The following GDI2 variants were observed in gnomAD, a reference collection of about 807,000 sequenced individuals.
GDI2 encodes GDP dissociation inhibitor 2, also known as rab GDP dissociation inhibitor beta.
Under a neutral mutation model 54.2 loss-of-function variants are expected in GDI2, and 22 were observed. The observed-to-expected ratio is 0.41, with a 90% CI of 0.29 to 0.58. The LOEUF (loss-of-function observed/expected upper bound fraction) is 0.58, where lower values mean the gene tolerates loss of function less well. Among genes scored for constraint, GDI2 ranks in the 20% least tolerant of loss-of-function variants. The pLI is 0.35. For missense variants in GDI2, 422 were observed against 546.0 expected (o/e 0.77, Z 2.26); for synonymous variants, 177 against 182.1 (o/e 0.97, Z 0.23).
intron 6 of GDI2, among the ~76,000 whole-genome samples, chr10:5,782,297 T>A (rs933168140): frequency 6.6e-6 from 1 of 152,142 alleles, no homozygotes; most frequent in Non-Finnish European, 1.5e-5. Context: ...ACTTGGGCAA[T>A]TAAAATTAAA....
rs201044554 is a variant in GDI2, at chr10:5,801,682, C to CA, written c.46-978dup. Among the ~76,000 whole-genome samples, 789 of 147,150 alleles carry CA rather than the reference C, an allele frequency of 5.4e-3. 9 individuals carry two copies. The highest frequency in any genetic ancestry group is 0.018 in the African/African-American group (730 of 39,956). ...CAAGAGCTAAACTCCATCTCAAGAA[C>CA]AAAAAAAAGGATGTCCTTGATAAAA... On this transcript the variant is annotated intron_variant, in intron 1 of 10. Transcript: ENST00000380191.
At chr10:5,801,532 C>G (rs1047590891) in intron 1 of GDI2, among the ~76,000 whole-genome samples, 2 of 151,840 alleles carry the variant, frequency 1.3e-5, no homozygotes, top group African/African-American at 2.4e-5. Flanking sequence ...CAAAATTAGC[C>G]GGGCATGGTG....
intron 7 of GDI2, among the ~76,000 whole-genome samples, chr10:5,773,520 C>G (rs551492091): frequency 6.6e-6 from 1 of 152,182 alleles, no homozygotes; most frequent in South Asian, 2.1e-4. Flanking sequence ...AAACCCCACC[C>G]GTGTAGGTGG....
chr10:5,796,738 T>C, intron 3 of GDI2, 25 bp downstream of exon 3: 2 of 1,083,738 alleles, frequency 1.8e-6, no homozygotes, highest in Non-Finnish European at 2.9e-6. Context: ...AGTACTGTCA[T>C]AAATTTAAGT....
intron 7 of GDI2, among the ~76,000 whole-genome samples, chr10:5,773,292 G>A (rs564062293): frequency 1.3e-5 from 2 of 152,154 alleles, no homozygotes; most frequent in Admixed American, 6.5e-5. Context: ...AAGAACTGTT[G>A]CAGATAGTAA....
chr10:5,779,670 A>G (rs1840707020), intron 6 of GDI2, among the ~76,000 whole-genome samples: 2 of 148,760 alleles, frequency 1.3e-5, no homozygotes, highest in Admixed American at 1.3e-4. Context: ...AAGCACAGAG[A>G]GGGGGAAAAA....
Position 5,776,234 on chromosome 10 carries a change from A to G in GDI2, c.720-2293T>C. On this transcript the variant is annotated intron_variant, in intron 6 of 10. Transcript: ENST00000380191. The surrounding 1 kb of genome is among the most constrained non-coding windows in gnomAD (Gnocchi z 5.3). ...TTCACTGGAATTGCAAAGGAATAGG[A>G]AACAGCGCCTCCTCATCCAAGACAG... 4 of 454,310 alleles carry G rather than the reference A, an allele frequency of 8.8e-6. No individual in the cohort carries two copies. The highest frequency in any genetic ancestry group is 1.7e-5 in the Non-Finnish European group (4 of 237,712). 28.1% of individuals were successfully genotyped at this position (454,310 alleles called of 1,614,324 possible).
At chr10:5,811,619 A>G (rs1430342736) in intron 1 of GDI2, among the ~76,000 whole-genome samples, 1 of 151,058 alleles carries the variant, frequency 6.6e-6, no homozygotes, top group Non-Finnish European at 1.5e-5. Flanking sequence ...AATCCACCAC[A>G]AACTACTAAG....
At chr10:5,771,682 A>G (rs1165841293) in intron 7 of GDI2, among the ~76,000 whole-genome samples, 1 of 152,116 alleles carries the variant, frequency 6.6e-6, no homozygotes, top group African/African-American at 2.4e-5. Flanking sequence ...GAATTGCAAG[A>G]TAAATGTATT....
intron 4 of GDI2, among the ~76,000 whole-genome samples, chr10:5,788,637 A>T (rs1840931004): frequency 6.6e-6 from 1 of 152,240 alleles, no homozygotes. Flanking sequence ...GAAAGTTAAC[A>T]AATTTCTGTT....
chr10:5,786,162 GC>G, intron 4 of GDI2, 112 bp from the exon 5 acceptor site: 2 of 498,590 alleles, frequency 4.0e-6, no homozygotes, highest in Non-Finnish European at 6.9e-6. Context: ...AATGCAGGAT[GC>G]AATTTTTTTT....
rs914416310 is a variant in GDI2 at position 5,766,846 on chromosome 10, T to C, written c.992-208A>G. On this transcript the variant is annotated intron_variant, in intron 8 of 10. Coordinates refer to ENST00000380191, the MANE Select transcript of GDI2 (RefSeq NM_001494.4). This position sits in a 1 kb window ranked among gnomAD's most constrained non-coding sequence, Gnocchi z 5.8. ...GAATTTCTTTTAACCTACTAGAGATTAAGAATTGAAGTGGTAGCGAACTGC... is the reference window on the plus strand; with the variant it reads ...GAATTTCTTTTAACCTACTAGAGATCAAGAATTGAAGTGGTAGCGAACTGC... Among the ~76,000 whole-genome samples, 1 of 152,196 alleles carries C rather than the reference T, an allele frequency of 6.6e-6. No individual in the cohort carries two copies. Among genetic ancestry groups the C allele is most frequent in the South Asian group, 2.1e-4 (1 of 4,826 alleles).
chr10:5,787,226 A>G (rs962709327), intron 4 of GDI2, among the ~76,000 whole-genome samples: 2 of 152,174 alleles, frequency 1.3e-5, no homozygotes, highest in Non-Finnish European at 2.9e-5. Flanking sequence ...GAGGCTGGTC[A>G]GGTCGTAGTG....
chr10:5,766,659 C>T lies in GDI2; in HGVS notation c.992-21G>A, dbSNP rs563353201. On this transcript the variant is annotated intron_variant, in intron 8 of 10. Transcript: ENST00000380191. The surrounding 1 kb of genome is among the most constrained non-coding windows in gnomAD (Gnocchi z 5.8). The stretch of plus-strand genomic sequence containing the variant: ...GATATCTAGAAACAAATGATACCAG[C>T]TCACTGCCTCAAGTGTCTCCATCTG... The T allele has an allele frequency of 5.6e-6, 9 of 1,607,862 alleles. No homozygotes were observed. In the Admixed American group the frequency reaches 8.3e-5, roughly 15 times the overall value.
At chr10:5,782,957 T>G (rs976294590) in intron 6 of GDI2, among the ~76,000 whole-genome samples, 3 of 152,110 alleles carry the variant, frequency 2.0e-5, no homozygotes, top group African/African-American at 7.2e-5. Flanking sequence ...TACTGACACA[T>G]GCATCAATAT....
rs117031385 is a variant in GDI2, at chr10:5,784,711, G to A, written c.719+431C>T. Among the ~76,000 whole-genome samples the A allele has an allele frequency of 7.0e-3, 1,065 of 152,300 alleles. 6 individuals carry two copies. Among genetic ancestry groups the A allele is most frequent in the Middle Eastern group, 0.017 (5 of 294 alleles). ...TGTTATTTCTCTTCTTGATCTAGCC[G>A]CCCAGTGGAGATAATCAGGCTCTAA... On this transcript the variant is annotated intron_variant, in intron 6 of 10. Coordinates refer to ENST00000380191, the MANE Select transcript of GDI2 (RefSeq NM_001494.4).
chr10:5,803,561 A>G (rs189928702), intron 1 of GDI2, among the ~76,000 whole-genome samples: 10 of 152,384 alleles, frequency 6.6e-5, no homozygotes, highest in Middle Eastern at 3.4e-3. Context: ...TTTATAAACA[A>G]AAGCTCAAGG....
intron 6 of GDI2, among the ~76,000 whole-genome samples, chr10:5,781,077 A>G (rs934157651): frequency 2.6e-5 from 4 of 152,124 alleles, no homozygotes; most frequent in African/African-American, 9.7e-5. Flanking sequence ...AAACAAACTC[A>G]TATGTAGCCA....
Position 5,782,444 on chromosome 10 carries a change from A to G in GDI2, c.719+2698T>C, listed in dbSNP as rs143541268. 4.6e-3 allele frequency among the ~76,000 whole-genome samples: 704 copies of G among 152,338 alleles called. 6 individuals carry two copies. Among genetic ancestry groups the G allele is most frequent in the African/African-American group, 0.016 (660 of 41,582 alleles). ...ATGAATTCAGACTTCTATCTGCCAC[A>G]TTAGTCAGCAATTTCACTCCCAGTA... On this transcript the variant is annotated intron_variant, in intron 6 of 10. Transcript: ENST00000380191.
Sources: allele counts gnomAD v4.1 joint callset (sites outside exome capture counted in the v4.1 genomes callset), GRCh38; gene constraint gnomAD v4.1.1; non-coding constraint Gnocchi (gnomAD v3.1); transcripts MANE v1.5; gene names NCBI Gene and HGNC (gene_info 2026-07-23, HGNC 2026-07-21).